Variants in CLEC12A observed in about 807,000 individuals in gnomAD.
The protein encoded by CLEC12A is C-type lectin protein CLL-1.
CLEC12A carries 22 observed loss-of-function variants against 26.5 expected under a neutral mutation model. The ratio of observed to expected loss-of-function variants is 0.83; its 90% CI spans 0.59 to 1.19. CLEC12A has a LOEUF of 1.19. CLEC12A is among the 50% of genes most tolerant of loss of function. CLEC12A has a pLI of 0.00. For synonymous variants in CLEC12A, 119 were observed against 101.9 expected, an observed-to-expected ratio of 1.17 and a Z score of -1.01; for missense variants, 353 against 315.6, an observed-to-expected ratio of 1.12 and a Z score of -0.90.
chr12:9,981,558 G>GA (rs1451307451), intron 4 of CLEC12A, among the ~76,000 whole-genome samples: 5 of 152,094 alleles, frequency 3.3e-5, no homozygotes, highest in East Asian at 3.9e-4. Flanking sequence ...GCTAGAATAA[G>GA]AAAAAAACCT....
chr12:9,993,208 C>T, intron 4 of CLEC12A: 1 of 1,612,810 alleles, frequency 6.2e-7, no homozygotes, highest in Non-Finnish European at 8.5e-7. Flanking sequence ...TGTTTGTTCT[C>T]ACAGAAGGTA....
the CLEC12A span, among the ~76,000 whole-genome samples, chr12:10,001,396 C>T: frequency 6.6e-6 from 1 of 152,340 alleles, no homozygotes; most frequent in African/African-American, 2.4e-5. Context: ...CTTTCCATTG[C>T]TTCATTCCTC....
chr12:9,969,104 G>T (rs923207827), upstream of CLEC12A, among the ~76,000 whole-genome samples: 6 of 152,038 alleles, frequency 3.9e-5, no homozygotes, highest in African/African-American at 1.5e-4. Context: ...AGAAAGGGGT[G>T]GTGGGGGATA....
intron 1 of CLEC12A, among the ~76,000 whole-genome samples, chr12:9,974,632 G>A (rs931705883): frequency 1.3e-5 from 2 of 152,166 alleles, no homozygotes; most frequent in African/African-American, 4.8e-5. Flanking sequence ...TGTTTTCTCT[G>A]TGCCAGTTCT....
the CLEC12A span, among the ~76,000 whole-genome samples, chr12:10,005,790 C>G: frequency 6.6e-6 from 1 of 152,100 alleles, no homozygotes; most frequent in African/African-American, 2.4e-5. Flanking sequence ...CATTTATTTT[C>G]CTTCTGCTTT....
At chr12:9,993,197 A>G in intron 4 of CLEC12A, 2 of 1,612,788 alleles carry the variant, frequency 1.2e-6, no homozygotes, top group Non-Finnish European at 1.7e-6. Flanking sequence ...ACATTAAATA[A>G]TGTTTGTTCT....
rs1318190478 is a variant in CLEC12A at position 9,978,929 on chromosome 12, C to T, written c.92-37C>T. On this transcript the variant is annotated intron_variant, in intron 1 of 5. Coordinates refer to ENST00000304361, the MANE Select transcript of CLEC12A (RefSeq NM_138337.6). ...TAAATAATCCAAATGAAAGTTATAC[C>T]ATTTTTAGGCCTCTCTGTTAATTTT... 4.3e-6 allele frequency: 6 copies of T among 1,406,212 alleles called. No homozygotes were observed. In the African/African-American group the frequency reaches 7.1e-5, roughly 17 times the overall value. The allele number at this position is 1,406,212 out of a possible 1,614,324, so 87.1% of individuals were successfully genotyped here.
At chr12:10,000,694 T>C (rs1029611759), downstream of CLEC12A, among the ~76,000 whole-genome samples, 3 of 152,232 alleles carry the variant, frequency 2.0e-5, no homozygotes, top group Non-Finnish European at 4.4e-5. Context: ...TCATAACTTC[T>C]GTTTCAGCTA....
At chr12:9,979,286 G>A in intron 2 of CLEC12A, 50 bp from the exon 3 acceptor site, 2 of 1,341,174 alleles carry the variant, frequency 1.5e-6, no homozygotes, top group Non-Finnish European at 2.1e-6. Flanking sequence ...GATAAAGGAT[G>A]ATGGCTCTAT....
At chr12:10,002,438 A>ATTTTTTTTTTTTTTTTTTTTTT in the CLEC12A span, among the ~76,000 whole-genome samples, 1 of 127,510 alleles carries the variant, frequency 7.8e-6, no homozygotes, top group Non-Finnish European at 1.7e-5. Context: ...AAGTTGGGTA[A>ATTTTTTTTTTTTTTTTTTTTTT]TGTTTTTTTT....
downstream of CLEC12A, among the ~76,000 whole-genome samples, chr12:9,987,989 T>G (rs528157282): frequency 9.9e-5 from 15 of 151,966 alleles, no homozygotes; most frequent in African/African-American, 3.6e-4. Context: ...TTGTATTTTT[T>G]GGGCTGTGGA....
intron 1 of CLEC12A, among the ~76,000 whole-genome samples, chr12:9,964,253 G>A (rs903558100): frequency 1.1e-4 from 16 of 152,286 alleles, no homozygotes; most frequent in Admixed American, 5.2e-4. Flanking sequence ...GAGGGTAAAG[G>A]TGAGGGCTGT....
chr12:9,998,242 A>G (rs370395150), downstream of CLEC12A: 16 of 1,493,612 alleles, frequency 1.1e-5, no homozygotes, highest in African/African-American at 1.4e-4. Context: ...CTTCAGTATT[A>G]CCTTCCTCCA....
intron 1 of CLEC12A, among the ~76,000 whole-genome samples, chr12:9,956,325 T>A (rs189964770): frequency 1.1e-3 from 163 of 152,336 alleles, no homozygotes; most frequent in Admixed American, 3.1e-3. Context: ...TAAGAACACA[T>A]CTTCTTTGGC....
downstream of CLEC12A, among the ~76,000 whole-genome samples, chr12:9,995,923 G>A (rs1257791150): frequency 6.6e-6 from 1 of 152,044 alleles, no homozygotes; most frequent in East Asian, 1.9e-4. Flanking sequence ...AACTGCATAG[G>A]TCCAAATTCT....
At chr12:9,955,280 G>T (rs576767799) in intron 1 of CLEC12A, among the ~76,000 whole-genome samples, 1 of 152,156 alleles carries the variant, frequency 6.6e-6, no homozygotes, top group East Asian at 1.9e-4. Context: ...GTAGAGAAGA[G>T]GTTTCACCAT....
chr12:9,981,347 A>C (rs1353383172), intron 4 of CLEC12A, among the ~76,000 whole-genome samples: 1 of 152,152 alleles, frequency 6.6e-6, no homozygotes, highest in Non-Finnish European at 1.5e-5. Flanking sequence ...TACACTTATT[A>C]CATAGCATTT....
intron 5 of CLEC12A, chr12:9,983,683 T>C (rs1591837306): frequency 1.8e-6 from 1 of 561,620 alleles, no homozygotes; most frequent in East Asian, 2.9e-5. Context: ...GGCACTCAGA[T>C]CCCTGCATAC....
intron 1 of CLEC12A, among the ~76,000 whole-genome samples, chr12:9,958,911 T>C (rs1393577985): frequency 3.9e-5 from 6 of 152,214 alleles, no homozygotes; most frequent in African/African-American, 1.2e-4. Context: ...ATCTCAGTTA[T>C]AGATTACAAG....
Sources: gnomAD v4.1 joint callset for allele counts (sites outside exome capture counted in the v4.1 genomes callset) on GRCh38, gnomAD v4.1.1 for gene constraint, MANE v1.5 for transcripts, NCBI Gene and HGNC (gene_info 2026-07-23, HGNC 2026-07-21) for gene names.